The following MYO1B variants were observed in gnomAD, a reference collection of about 807,000 sequenced individuals.
The protein encoded by MYO1B is myosin IB.
Under a neutral mutation model 159.7 loss-of-function variants are expected in MYO1B, and 72 were observed. That is an observed-to-expected ratio of 0.45 (90% CI 0.37 to 0.55). The LOEUF is 0.55. MYO1B is among the 20% of genes least tolerant of loss of function. MYO1B has a pLI of 0.00. For synonymous variants in MYO1B, 468 were observed against 473.8 expected, an observed-to-expected ratio of 0.99 and a Z score of 0.16; for missense variants, 1,062 against 1,364.8, an observed-to-expected ratio of 0.78 and a Z score of 3.50.
At chr2:191,365,740 C>A (rs1693967224) in intron 11 of MYO1B, among the ~76,000 whole-genome samples, 1 of 151,984 alleles carries the variant, frequency 6.6e-6, no homozygotes, top group Non-Finnish European at 1.5e-5. Context: ...AAGGGCATAT[C>A]AAAAAGAAAA....
intron 11 of MYO1B, among the ~76,000 whole-genome samples, chr2:191,368,735 A>G (rs1012154106): frequency 1.3e-5 from 2 of 152,114 alleles, no homozygotes; most frequent in Non-Finnish European, 2.9e-5. Flanking sequence ...GCACTTTGGG[A>G]GGCTGAGGTG....
At chr2:191,382,135 C>A (rs1417093056) in intron 14 of MYO1B, among the ~76,000 whole-genome samples, 1 of 151,396 alleles carries the variant, frequency 6.6e-6, no homozygotes, top group African/African-American at 2.4e-5. Context: ...TTTAAAATAG[C>A]CAGTCTTTTT....
At chr2:191,315,354 A>G (rs1690284160) in intron 3 of MYO1B, among the ~76,000 whole-genome samples, 1 of 152,184 alleles carries the variant, frequency 6.6e-6, no homozygotes. Flanking sequence ...TTTCAAAATT[A>G]TCTTCCCTAC....
chr2:191,345,390 G>A (rs1273474580), intron 5 of MYO1B, among the ~76,000 whole-genome samples: 1 of 152,270 alleles, frequency 6.6e-6, no homozygotes, highest in South Asian at 2.1e-4. Context: ...CATGGCCCAG[G>A]TTAACTTGCT....
In MYO1B at chr2:191,363,887, G is replaced by GAGAATCAAC. The variant is rs564683422; in HGVS notation, c.913+13_913+21dup. The stretch of plus-strand genomic sequence containing the variant: ...CAAAGATAAAAATGGTACATCCGTG[G>GAGAATCAAC]AGAATCAACTTTGTTTGTTTAGGAA... On this transcript the variant is annotated intron_variant, in intron 10 of 30. Transcript: ENST00000392318. The GAGAATCAAC allele has an allele frequency of 2.0e-3, 3,170 of 1,613,478 alleles. 11 individuals are homozygous for GAGAATCAAC. The highest frequency in any genetic ancestry group is 5.4e-3 in the Middle Eastern group (33 of 6,056).
intron 13 of MYO1B, among the ~76,000 whole-genome samples, chr2:191,375,871 AT>A (rs1181138136): frequency 6.6e-6 from 1 of 152,010 alleles, no homozygotes; most frequent in East Asian, 1.9e-4. Flanking sequence ...AGGCAGGAGA[AT>A]CACTTGAACC....
At chr2:191,256,389 A>G (rs1189833202) in intron 1 of MYO1B, among the ~76,000 whole-genome samples, 1 of 152,206 alleles carries the variant, frequency 6.6e-6, no homozygotes, top group African/African-American at 2.4e-5. Context: ...TGCAGCTCCT[A>G]GAACAGTGTC....
chr2:191,409,176 A>C lies in MYO1B; in HGVS notation c.2764A>C (p.Arg922=), dbSNP rs761416047. The change falls in exon 26 of 31, where the codon AGG becomes CGG. Residue 922 remains arginine (R), a splice_region_variant and synonymous_variant. Transcript: ENST00000392318. ...KELKRIFHLW[R]CKKYRDQFTD... The stretch of plus-strand genomic sequence containing the variant: ...GCTAAAAAGGATTTTCCACTTGTGG[A>C]GGGTAAAAAATGTCATATTACATCT... 7 of 1,603,490 alleles carry C rather than the reference A, an allele frequency of 4.4e-6. No individual in the cohort carries two copies. Among genetic ancestry groups the C allele is most frequent in the Non-Finnish European group, 5.9e-6 (7 of 1,177,462 alleles).
chr2:191,376,463 C>A (rs1694718531), intron 13 of MYO1B, among the ~76,000 whole-genome samples: 1 of 152,004 alleles, frequency 6.6e-6, no homozygotes, highest in Admixed American at 6.6e-5. Context: ...TTGCAAGGAC[C>A]AACAGCATAT....
Position 191,396,419 on chromosome 2 carries a change from T to C in MYO1B, c.2227-10T>C, listed in dbSNP as rs1341245891. ...TACAACTGCCAATATCTTCCCCTTT[T>C]ATCCTACAGCAACAAAAGAGGTACC... On this transcript the variant is annotated splice_polypyrimidine_tract_variant and intron_variant, in intron 20 of 30. Coordinates refer to ENST00000392318, the MANE Select transcript of MYO1B (RefSeq NM_001130158.3). 6.2e-7 allele frequency: 1 copy of C among 1,614,090 alleles called. No individual in the cohort carries two copies. Among genetic ancestry groups the C allele is most frequent in the South Asian group, 1.1e-5 (1 of 91,086 alleles).
chr2:191,271,312 A>G (rs755495989), intron 1 of MYO1B, among the ~76,000 whole-genome samples: 36 of 152,230 alleles, frequency 2.4e-4, no homozygotes, highest in Non-Finnish European at 4.3e-4. Flanking sequence ...CTCATTTACA[A>G]TTACCAAAGC....
intron 14 of MYO1B, among the ~76,000 whole-genome samples, chr2:191,382,092 A>T (rs914986187): frequency 3.9e-5 from 6 of 152,184 alleles, no homozygotes; most frequent in Admixed American, 3.3e-4. Context: ...TCATTAATTT[A>T]AAAATATATA....
chr2:191,326,531 G>A (rs754093927), intron 3 of MYO1B, among the ~76,000 whole-genome samples: 24 of 152,086 alleles, frequency 1.6e-4, no homozygotes, highest in African/African-American at 2.2e-4. Context: ...AAATTTTCAC[G>A]TCACTTTGAA....
chr2:191,377,609 A>T (rs999812348), intron 13 of MYO1B: 1 of 152,180 alleles, frequency 6.6e-6, no homozygotes, highest in Non-Finnish European at 1.5e-5. Flanking sequence ...TATTTTATGA[A>T]GGAGAGGGGG....
At chr2:191,296,699 T>A (rs1189834641) in intron 3 of MYO1B, among the ~76,000 whole-genome samples, 1 of 152,234 alleles carries the variant, frequency 6.6e-6, no homozygotes, top group Non-Finnish European at 1.5e-5. Context: ...GGCCAGTGAT[T>A]TCACTTACTC....
At chr2:191,270,951 G>A (rs536744792) in intron 1 of MYO1B, among the ~76,000 whole-genome samples, 1 of 152,330 alleles carries the variant, frequency 6.6e-6, no homozygotes, top group East Asian at 1.9e-4. Flanking sequence ...AAGGATGGCA[G>A]CTGTGAGGAC....
At chr2:191,404,248 C>T (rs141542298) in intron 24 of MYO1B, among the ~76,000 whole-genome samples, 2 of 152,210 alleles carry the variant, frequency 1.3e-5, no homozygotes, top group East Asian at 3.9e-4. Context: ...CAGGGGGCAC[C>T]ATCGTATATG....
intron 29 of MYO1B, 51 bp downstream of exon 29, chr2:191,414,720 A>T (rs777913416): frequency 1.2e-5 from 18 of 1,554,470 alleles, no homozygotes; most frequent in Non-Finnish European, 1.6e-5. Context: ...CCATTGATTT[A>T]AAAAATTTCC....
chr2:191,386,163 C>A lies in MYO1B; in HGVS notation c.1554+79C>A. 2.2e-6 allele frequency: 3 copies of A among 1,335,950 alleles called. No individual in the cohort carries two copies. The South Asian group carries it at 3.9e-5, about 18-fold the overall frequency. 82.8% of individuals were successfully genotyped at this position (1,335,950 alleles called of 1,614,324 possible). A position where few individuals can be genotyped will look rare whatever the true frequency, so the allele number is the denominator to read the frequency against. On this transcript the variant is annotated intron_variant, in intron 16 of 30. Transcript: ENST00000392318. ...AGGCTGTACCTCAGAGATGGGCGTT[C>A]GAAACCCCATTAACTTGTGAGGACA...
Sources: gnomAD v4.1 joint callset for allele counts (sites outside exome capture counted in the v4.1 genomes callset) on GRCh38, gnomAD v4.1.1 for gene constraint, MANE v1.5 for transcripts, NCBI Gene and HGNC (gene_info 2026-07-23, HGNC 2026-07-21) for gene names.